CCDC171: variants seen among roughly 807,000 people sequenced by gnomAD.
CCDC171 encodes coiled-coil domain containing 171, also known as coiled-coil domain-containing protein 171.
In CCDC171, 177 loss-of-function variants were observed where a neutral mutation model predicts 168.2. The ratio of observed to expected loss-of-function variants is 1.05; its 90% CI spans 0.93 to 1.19. CCDC171 has a LOEUF of 1.19. CCDC171 is among the 50% of genes most tolerant of loss of function. CCDC171 has a pLI of 0.00. For missense variants in CCDC171, 1,991 were observed against 1,539.0 expected (o/e 1.29, Z -4.91); for synonymous variants, 687 against 540.8 (o/e 1.27, Z -3.75).
the CCDC171 span, among the ~76,000 whole-genome samples, chr9:16,083,808 C>T: frequency 6.6e-6 from 1 of 152,146 alleles, no homozygotes; most frequent in Admixed American, 6.5e-5. Context: ...TTATTTTGTC[C>T]TGATAGTCAT....
chr9:15,657,351 T>G, intron 8 of CCDC171, 132 bp downstream of exon 8: 1 of 579,672 alleles, frequency 1.7e-6, no homozygotes. Flanking sequence ...ACACTCATTA[T>G]TGTATATAAG....
intron 1 of CCDC171, among the ~76,000 whole-genome samples, chr9:15,558,894 A>C (rs904719953): frequency 6.6e-6 from 1 of 152,054 alleles, no homozygotes. Flanking sequence ...CCCTCTACAC[A>C]CTGCTTTGAA....
intron 21 of CCDC171, among the ~76,000 whole-genome samples, chr9:15,797,079 T>C (rs1228488157): frequency 1.3e-5 from 2 of 152,226 alleles, no homozygotes; most frequent in African/African-American, 2.4e-5. Context: ...TTATCTGTTA[T>C]AATGGGTGTA....
chr9:15,592,485 A>C (rs12000888), intron 5 of CCDC171, among the ~76,000 whole-genome samples: 46,495 of 152,094 alleles, frequency 0.31, 7,345 homozygotes, highest in Non-Finnish European at 0.35. Context: ...AAAAACTGTA[A>C]AAGTTTTCGC....
chr9:15,701,015 A>C (rs1428737069), intron 11 of CCDC171, among the ~76,000 whole-genome samples: 1 of 152,056 alleles, frequency 6.6e-6, no homozygotes, highest in Non-Finnish European at 1.5e-5. Context: ...AAATATACTC[A>C]TTGGCCATTA....
intron 24 of CCDC171, among the ~76,000 whole-genome samples, chr9:15,897,850 A>G (rs183514848): frequency 2.2e-4 from 33 of 152,286 alleles, no homozygotes; most frequent in African/African-American, 7.5e-4. Context: ...TCCAAATCAA[A>G]CCAGGAAACT....
chr9:15,677,696 T>A (rs2049686598), intron 9 of CCDC171, among the ~76,000 whole-genome samples: 1 of 150,678 alleles, frequency 6.6e-6, no homozygotes, highest in Non-Finnish European at 1.5e-5. Context: ...CACAGTTTAA[T>A]ACTAACCTGA....
At chr9:15,625,583 C>G (rs149211442) in intron 7 of CCDC171, among the ~76,000 whole-genome samples, 1 of 152,206 alleles carries the variant, frequency 6.6e-6, no homozygotes, top group Non-Finnish European at 1.5e-5. Context: ...AGTCCTTTCC[C>G]CATTTCTTGT....
At chr9:15,888,876 G>A (rs995761739) in intron 24 of CCDC171, 1 of 151,264 alleles carries the variant, frequency 6.6e-6, no homozygotes, top group African/African-American at 2.4e-5. Context: ...TTGATTAAAG[G>A]GTGCTATTCC....
intron 6 of CCDC171, among the ~76,000 whole-genome samples, chr9:15,595,304 T>G (rs1016372540): frequency 1.1e-4 from 17 of 152,216 alleles, no homozygotes; most frequent in African/African-American, 3.9e-4. Flanking sequence ...CCCGCTCCCC[T>G]GACCCCACAA....
chr9:15,573,049 C>T (rs1265948075), intron 3 of CCDC171, among the ~76,000 whole-genome samples: 2 of 152,132 alleles, frequency 1.3e-5, no homozygotes, highest in Non-Finnish European at 2.9e-5. Flanking sequence ...ATCTCAGCTA[C>T]TTGGGAGGCT....
At chr9:15,627,430 T>C (rs2045247440) in intron 7 of CCDC171, among the ~76,000 whole-genome samples, 1 of 152,204 alleles carries the variant, frequency 6.6e-6, no homozygotes, top group Non-Finnish European at 1.5e-5. Context: ...TTTTAGATCT[T>C]TCCTGCTTTC....
intron 6 of CCDC171, among the ~76,000 whole-genome samples, chr9:15,616,801 T>C (rs1219054450): frequency 1.3e-5 from 2 of 152,050 alleles, no homozygotes; most frequent in African/African-American, 4.8e-5. Context: ...AGTACTCTTA[T>C]GAAAAAATGA....
At position 15,603,523 on chromosome 9, in the gene CCDC171, C is replaced by A. The variant is rs544379216; in HGVS notation, c.675+9351C>A. Among the ~76,000 whole-genome samples, 1,448 of 152,268 alleles carry A rather than the reference C, an allele frequency of 9.5e-3. 25 individuals carry two copies. The highest frequency in any genetic ancestry group is 0.033 in the African/African-American group (1,383 of 41,562). ...TGCGGTATTTCGTTTTCTGTCCCTG[C>A]ATTAGTTTGCTGAGGATAATGGCTT... is the stretch of plus-strand genomic sequence containing the variant. On this transcript the variant is annotated intron_variant, in intron 6 of 25. Transcript: ENST00000380701.
chr9:15,716,372 AT>A (rs2053087859), intron 11 of CCDC171, among the ~76,000 whole-genome samples: 1 of 151,736 alleles, frequency 6.6e-6, no homozygotes, highest in African/African-American at 2.4e-5. Flanking sequence ...TTTATAGTTC[AT>A]TGTTTTTCGG....
intron 7 of CCDC171, among the ~76,000 whole-genome samples, chr9:15,627,478 C>G (rs760195592): frequency 1.3e-5 from 2 of 152,026 alleles, no homozygotes; most frequent in Admixed American, 1.3e-4. Context: ...TCCCTCTACA[C>G]GCTGGTTTGA....
chr9:15,952,743 A>C (rs546629811), intron 25 of CCDC171, among the ~76,000 whole-genome samples: 1 of 152,242 alleles, frequency 6.6e-6, no homozygotes, highest in Non-Finnish European at 1.5e-5. Context: ...TTTGATAGGG[A>C]GTGCATCGAC....
At chr9:15,896,053 T>C (rs1820851029) in intron 24 of CCDC171, among the ~76,000 whole-genome samples, 1 of 152,096 alleles carries the variant, frequency 6.6e-6, no homozygotes, top group Non-Finnish European at 1.5e-5. Context: ...CATATTTTTG[T>C]AGGAAACCAT....
intron 18 of CCDC171, among the ~76,000 whole-genome samples, chr9:15,754,075 G>A (rs1022643658): frequency 6.6e-6 from 1 of 152,060 alleles, no homozygotes; most frequent in Non-Finnish European, 1.5e-5. Flanking sequence ...AGAAAGGATG[G>A]GAACATATTT....
Sources: gnomAD v4.1 joint callset for allele counts (sites outside exome capture counted in the v4.1 genomes callset) on GRCh38, gnomAD v4.1.1 for gene constraint, MANE v1.5 for transcripts, NCBI Gene and HGNC (gene_info 2026-07-23, HGNC 2026-07-21) for gene names.